LRRC4C: variants seen among roughly 807,000 people sequenced by gnomAD.
LRRC4C encodes leucine-rich repeat-containing protein 4C.
LRRC4C carries 5 observed loss-of-function variants against 33.6 expected under a neutral mutation model. The ratio of observed to expected loss-of-function variants is 0.15; its 90% CI spans 0.08 to 0.31. The LOEUF (loss-of-function observed/expected upper bound fraction) is 0.31, where lower values mean the gene tolerates loss of function less well. Among genes scored for constraint, LRRC4C ranks in the 10% least tolerant of loss-of-function variants. The pLI is 1.00. For missense variants in LRRC4C, 560 were observed against 796.7 expected (o/e 0.70, Z 3.58); for synonymous variants, 329 against 302.0 (o/e 1.09, Z -0.93).
intron 3 of LRRC4C, among the ~76,000 whole-genome samples, chr11:40,633,352 T>C (rs11035977): frequency 0.024 from 938 of 39,724 alleles, 34 homozygotes; most frequent in African/African-American, 0.11. Context: ...TTTCTTTCTT[T>C]CTTTCTTTCT....
At chr11:40,339,274 A>C (rs1449426072) in intron 3 of LRRC4C, among the ~76,000 whole-genome samples, 1 of 152,188 alleles carries the variant, frequency 6.6e-6, no homozygotes, top group African/African-American at 2.4e-5. Context: ...TAGTTGTCCC[A>C]AAATAAAGAA....
At chr11:40,880,355 G>A (rs1310552680) in intron 2 of LRRC4C, among the ~76,000 whole-genome samples, 1 of 152,026 alleles carries the variant, frequency 6.6e-6, no homozygotes, top group Non-Finnish European at 1.5e-5. Flanking sequence ...TAAACTCTGA[G>A]GTGATTCAAT....
intron 4 of LRRC4C, among the ~76,000 whole-genome samples, chr11:40,260,715 A>G (rs964738866): frequency 9.2e-5 from 14 of 152,142 alleles, no homozygotes; most frequent in African/African-American, 3.4e-4. Flanking sequence ...AGAAAATAAC[A>G]TATGGATAGA....
intron 1 of LRRC4C, among the ~76,000 whole-genome samples, chr11:40,939,648 C>T (rs1006492673): frequency 2.0e-5 from 3 of 152,034 alleles, no homozygotes; most frequent in South Asian, 2.1e-4. Flanking sequence ...TGAACTCTAT[C>T]AAAAAAGGGG....
At chr11:40,409,535 A>C (rs1950079613) in intron 3 of LRRC4C, among the ~76,000 whole-genome samples, 1 of 151,974 alleles carries the variant, frequency 6.6e-6, no homozygotes, top group African/African-American at 2.4e-5. Flanking sequence ...AACTAAAATG[A>C]CTCAATAGCA....
chr11:40,472,112 C>T (rs1250714566), intron 3 of LRRC4C, among the ~76,000 whole-genome samples: 2 of 136,244 alleles, frequency 1.5e-5, no homozygotes, highest in Non-Finnish European at 3.3e-5. Context: ...CCTGTCTCTA[C>T]TAAAAAAAAT....
At chr11:40,970,645 T>C (rs1851663150) in intron 1 of LRRC4C, among the ~76,000 whole-genome samples, 1 of 151,902 alleles carries the variant, frequency 6.6e-6, no homozygotes, top group South Asian at 2.1e-4. Flanking sequence ...TGGGCTAAGG[T>C]TGGAAGAGTT....
At chr11:40,738,392 T>G (rs12288452) in intron 2 of LRRC4C, among the ~76,000 whole-genome samples, 10,537 of 152,106 alleles carry the variant, frequency 0.069, 614 homozygotes, top group African/African-American at 0.16. Context: ...TAAATCTCCT[T>G]TCATATATTT....
chr11:40,776,987 G>A (rs1950026621), intron 2 of LRRC4C, among the ~76,000 whole-genome samples: 1 of 152,024 alleles, frequency 6.6e-6, no homozygotes, highest in Non-Finnish European at 1.5e-5. Flanking sequence ...TTTTATCCAA[G>A]AGTCATTCAG....
intron 3 of LRRC4C, among the ~76,000 whole-genome samples, chr11:40,625,194 C>G (rs1456557215): frequency 1.3e-5 from 2 of 152,136 alleles, no homozygotes; most frequent in Non-Finnish European, 2.9e-5. Flanking sequence ...AGTCCATGCT[C>G]TTAATCACTG....
intron 1 of LRRC4C, among the ~76,000 whole-genome samples, chr11:41,139,051 AG>A (rs1329102703): frequency 6.6e-6 from 1 of 152,182 alleles, no homozygotes; most frequent in Admixed American, 6.5e-5. Context: ...TTTACAAAAA[AG>A]TATGGAACAG....
chr11:40,758,045 C>T (rs911950203), intron 2 of LRRC4C, among the ~76,000 whole-genome samples: 5 of 152,108 alleles, frequency 3.3e-5, no homozygotes, highest in South Asian at 2.1e-4. Context: ...AATGCAGTGA[C>T]GTTGTTGGAA....
At chr11:40,584,985 G>A (rs1370478335) in intron 3 of LRRC4C, among the ~76,000 whole-genome samples, 14 of 151,608 alleles carry the variant, frequency 9.2e-5, no homozygotes, top group Non-Finnish European at 1.6e-4. Flanking sequence ...AACCTGCAGT[G>A]AAAAAGAGGT....
Position 40,179,218 on chromosome 11 carries a change from T to G in LRRC4C, c.-95-38365A>C, listed in dbSNP as rs74649883. On this transcript the variant is annotated intron_variant, in intron 5 of 6. Transcript: ENST00000528697. ...CAGGGTCTCTCTATGGTGCCTAGAC[T>G]GATCTCCAACTCCTGAGCTCAAGGA... Among the ~76,000 whole-genome samples, 1,428 of 152,148 alleles carry G rather than the reference T, an allele frequency of 9.4e-3. 28 individuals are homozygous for G. Among genetic ancestry groups the G allele is most frequent in the African/African-American group, 0.033 (1,360 of 41,480 alleles).
intron 1 of LRRC4C, among the ~76,000 whole-genome samples, chr11:41,173,985 A>C (rs12574947): frequency 0.061 from 9,350 of 152,192 alleles, 384 homozygotes; most frequent in African/African-American, 0.11. Flanking sequence ...AAATACATAT[A>C]AATTGTGCAT....
intron 1 of LRRC4C, among the ~76,000 whole-genome samples, chr11:41,347,735 C>T (rs372163472): frequency 1.1e-4 from 16 of 152,236 alleles, no homozygotes; most frequent in African/African-American, 3.9e-4. Context: ...CCCCAGGCAG[C>T]CAATGTGGTG....
rs183440344 is a variant in LRRC4C, at chr11:40,741,824, C to T, written c.-406-93546G>A. On this transcript the variant is annotated intron_variant, in intron 2 of 6. Transcript: ENST00000528697. Reference sequence around the variant, plus strand: ...TTAAAAACTCCATTGATTACCAAATCAGGCATCTATAAAAATAATTTATGC... The same window carrying T: ...TTAAAAACTCCATTGATTACCAAATTAGGCATCTATAAAAATAATTTATGC... Among the ~76,000 whole-genome samples the T allele has an allele frequency of 7.7e-4, 117 of 152,084 alleles. 1 individual carries two copies. The highest frequency in any genetic ancestry group is 2.4e-3 in the African/African-American group (101 of 41,552).
intron 3 of LRRC4C, among the ~76,000 whole-genome samples, chr11:40,444,077 A>C (rs1951516593): frequency 6.6e-6 from 1 of 152,180 alleles, no homozygotes; most frequent in Non-Finnish European, 1.5e-5. Flanking sequence ...AAGGATGAAT[A>C]ATATTTTCTG....
At chr11:40,649,919 G>T (rs1461473847) in intron 2 of LRRC4C, among the ~76,000 whole-genome samples, 1 of 152,122 alleles carries the variant, frequency 6.6e-6, no homozygotes, top group South Asian at 2.1e-4. Flanking sequence ...TATAAATAGG[G>T]GAAGTTAGAT....
Sources: gnomAD v4.1 joint callset for allele counts (sites outside exome capture counted in the v4.1 genomes callset) on GRCh38, gnomAD v4.1.1 for gene constraint, MANE v1.5 for transcripts, NCBI Gene and HGNC (gene_info 2026-07-23, HGNC 2026-07-21) for gene names.